The following CTNNA3 variants were observed in gnomAD, a reference collection of about 807,000 sequenced individuals.
The protein encoded by CTNNA3 is catenin alpha 3.
Under a neutral mutation model 95.7 loss-of-function variants are expected in CTNNA3, and 76 were observed. The ratio of observed to expected loss-of-function variants is 0.79; its 90% CI spans 0.66 to 0.96. The LOEUF (loss-of-function observed/expected upper bound fraction) is 0.96. Among genes scored for constraint, CTNNA3 ranks in the 40% least tolerant of loss-of-function variants. The pLI is 0.00. For missense variants in CTNNA3, 1,191 were observed against 1,089.8 expected, an observed-to-expected ratio of 1.09 and a Z score of -1.31; for synonymous variants, 431 against 374.4, an observed-to-expected ratio of 1.15 and a Z score of -1.74.
At chr10:66,540,559 C>T (rs1004787290) in intron 10 of CTNNA3, among the ~76,000 whole-genome samples, 3 of 152,012 alleles carry the variant, frequency 2.0e-5, no homozygotes, top group Admixed American at 6.6e-5. Context: ...AAAGTTGAGC[C>T]GTTTTTTCAT....
At chr10:67,759,864 A>G (rs1277280505) in intron 1 of CTNNA3, among the ~76,000 whole-genome samples, 1 of 152,120 alleles carries the variant, frequency 6.6e-6, no homozygotes, top group Non-Finnish European at 1.5e-5. Context: ...TCTGCCAACA[A>G]CTAGTTATCT....
At chr10:66,812,004 T>A (rs1283191470) in intron 7 of CTNNA3, among the ~76,000 whole-genome samples, 1 of 152,184 alleles carries the variant, frequency 6.6e-6, no homozygotes, top group African/African-American at 2.4e-5. Flanking sequence ...CTGAGATGAA[T>A]TTACCTCTTG....
chr10:66,456,176 A>G (rs1016355627), intron 11 of CTNNA3, among the ~76,000 whole-genome samples: 8 of 152,202 alleles, frequency 5.3e-5, no homozygotes, highest in African/African-American at 1.7e-4. Flanking sequence ...ATAGATATAG[A>G]TAAGCCAATT....
intron 1 of CTNNA3, among the ~76,000 whole-genome samples, chr10:67,755,184 C>A (rs1181679067): frequency 5.4e-5 from 8 of 149,188 alleles, no homozygotes; most frequent in Non-Finnish European, 1.0e-4. Context: ...CAGGATGAGA[C>A]CTTATCTTTA....
chr10:66,557,195 T>G (rs1320564190), intron 10 of CTNNA3, among the ~76,000 whole-genome samples: 1 of 152,192 alleles, frequency 6.6e-6, no homozygotes, highest in Middle Eastern at 3.4e-3. Flanking sequence ...TGTGTGCATA[T>G]TGGGAAAAGG....
chr10:67,252,847 A>G (rs752283248), intron 5 of CTNNA3, among the ~76,000 whole-genome samples: 43 of 152,320 alleles, frequency 2.8e-4, no homozygotes, highest in Middle Eastern at 3.4e-3. Flanking sequence ...GTCTTTCACC[A>G]ACAAATTTAA....
At chr10:66,030,834 A>T (rs1392421284) in intron 15 of CTNNA3, among the ~76,000 whole-genome samples, 1 of 152,190 alleles carries the variant, frequency 6.6e-6, no homozygotes, top group South Asian at 2.1e-4. Context: ...TTTCTAAGGA[A>T]CTTGAACAAT....
chr10:66,394,075 A>G (rs1402544384), intron 11 of CTNNA3, among the ~76,000 whole-genome samples: 1 of 152,088 alleles, frequency 6.6e-6, no homozygotes, highest in East Asian at 1.9e-4. Context: ...ATAGTAATCT[A>G]TAGCTGAATG....
intron 3 of CTNNA3, among the ~76,000 whole-genome samples, chr10:67,561,955 T>A (rs970661770): frequency 6.6e-6 from 1 of 152,160 alleles, no homozygotes; most frequent in Admixed American, 6.5e-5. Context: ...GTTGAATCTC[T>A]GAATAGACCA....
At chr10:66,042,813 T>C (rs1359130118) in intron 15 of CTNNA3, among the ~76,000 whole-genome samples, 5 of 143,768 alleles carry the variant, frequency 3.5e-5, no homozygotes, top group African/African-American at 5.2e-5. Context: ...GGCAAGAGAA[T>C]TGCTTGAACC....
chr10:66,613,842 T>G (rs779964784), intron 10 of CTNNA3, among the ~76,000 whole-genome samples: 3 of 152,042 alleles, frequency 2.0e-5, no homozygotes, highest in Non-Finnish European at 4.4e-5. Flanking sequence ...AATATGGTCA[T>G]TTTACATTGA....
chr10:67,295,724 A>C (rs1285148462), intron 5 of CTNNA3, among the ~76,000 whole-genome samples: 1 of 152,226 alleles, frequency 6.6e-6, no homozygotes, highest in Non-Finnish European at 1.5e-5. Flanking sequence ...TCATTGCCTA[A>C]AAGTGTCAAT....
chr10:66,291,542 C>T (rs1171462689), intron 12 of CTNNA3, among the ~76,000 whole-genome samples: 2 of 152,040 alleles, frequency 1.3e-5, no homozygotes, highest in African/African-American at 2.4e-5. Flanking sequence ...TTTGTTCAAA[C>T]GTCCAGTTAC....
intron 5 of CTNNA3, among the ~76,000 whole-genome samples, chr10:67,346,514 A>G (rs1358959512): frequency 6.6e-6 from 1 of 152,148 alleles, no homozygotes; most frequent in Non-Finnish European, 1.5e-5. Flanking sequence ...ATTCTAGAGT[A>G]AAAGTTTTTT....
intron 5 of CTNNA3, among the ~76,000 whole-genome samples, chr10:67,237,093 A>T (rs917452884): frequency 1.5e-4 from 20 of 134,860 alleles, no homozygotes; most frequent in Non-Finnish European, 3.2e-4. Flanking sequence ...AATGCCCATC[A>T]ATCAATGAGT....
chr10:66,407,948 C>T lies in CTNNA3; in HGVS notation c.1532-28596G>A, dbSNP rs554799286. On this transcript the variant is annotated intron_variant, in intron 11 of 17. Transcript: ENST00000433211. ...CTGTTCTAACGCATAAATTATAGTC[C>T]TTCCTGGTATCAATGCAGAGTTTGT... 7.9e-4 allele frequency among the ~76,000 whole-genome samples: 120 copies of T among 152,176 alleles called. 2 individuals carry two copies. Among genetic ancestry groups the T allele is most frequent in the African/African-American group, 2.6e-3 (110 of 41,512 alleles).
chr10:66,104,604 C>T (rs777816146), intron 13 of CTNNA3, among the ~76,000 whole-genome samples: 4 of 152,204 alleles, frequency 2.6e-5, no homozygotes, highest in Non-Finnish European at 4.4e-5. Context: ...CTCCCATCCT[C>T]CCTGCTTCTG....
intron 15 of CTNNA3, among the ~76,000 whole-genome samples, chr10:66,030,202 A>G (rs1181127203): frequency 1.3e-5 from 2 of 152,176 alleles, no homozygotes; most frequent in Non-Finnish European, 2.9e-5. Flanking sequence ...CATTTTTCAC[A>G]GAATTACAAA....
intron 5 of CTNNA3, among the ~76,000 whole-genome samples, chr10:67,428,764 A>G (rs1846004906): frequency 6.6e-6 from 1 of 151,994 alleles, no homozygotes; most frequent in Non-Finnish European, 1.5e-5. Context: ...ATGAATATAA[A>G]GCAGGCAGAA....
Sources: gnomAD v4.1 joint callset for allele counts (sites outside exome capture counted in the v4.1 genomes callset) on GRCh38, gnomAD v4.1.1 for gene constraint, MANE v1.5 for transcripts, NCBI Gene and HGNC (gene_info 2026-07-23, HGNC 2026-07-21) for gene names.